Variants in ARHGAP12 observed in about 807,000 individuals in gnomAD.
ARHGAP12 encodes the protein rho GTPase-activating protein 12.
A neutral mutation model predicts 108.6 loss-of-function variants in ARHGAP12; 64 were observed. The ratio of observed to expected loss-of-function variants is 0.59; its 90% confidence interval spans 0.48 to 0.73. The LOEUF is 0.73. Ranked by LOEUF, ARHGAP12 falls within the 30% of genes least tolerant of loss-of-function variation. The probability of loss-of-function intolerance (pLI) is 0.00; values close to 1 mark genes in which losing one functional copy is unlikely to be tolerated. For missense variants in ARHGAP12, 940 were observed against 1,005.9 expected (o/e 0.93, Z 0.89); for synonymous variants, 312 against 337.2 (o/e 0.93, Z 0.82).
At chr10:31,872,116 A>G (rs988024139) in intron 3 of ARHGAP12, among the ~76,000 whole-genome samples, 1 of 152,180 alleles carries the variant, frequency 6.6e-6, no homozygotes, top group South Asian at 2.1e-4. Context: ...TCATCTTCAG[A>G]GCCTAGTATA....
intron 3 of ARHGAP12, among the ~76,000 whole-genome samples, chr10:31,890,453 T>A (rs978713746): frequency 6.6e-6 from 1 of 152,192 alleles, no homozygotes; most frequent in Admixed American, 6.5e-5. Context: ...GCAGAAATCA[T>A]AAGTACTAAA....
chr10:31,904,475 TA>T (rs1245968179), intron 3 of ARHGAP12, among the ~76,000 whole-genome samples: 3 of 152,058 alleles, frequency 2.0e-5, no homozygotes, highest in African/African-American at 7.2e-5. Context: ...GTTATGGCTG[TA>T]AAAGGGCAAC....
intron 3 of ARHGAP12, among the ~76,000 whole-genome samples, 174 bp from the exon 4 acceptor site, chr10:31,861,832 AAAAT>A (rs1175628029): frequency 6.6e-6 from 1 of 152,240 alleles, no homozygotes; most frequent in African/African-American, 2.4e-5. Context: ...GTTTCATTGA[AAAAT>A]AAATAAAAGC....
chr10:31,833,334 T>TA (rs1554776366), intron 9 of ARHGAP12, among the ~76,000 whole-genome samples: 1,525 of 137,700 alleles, frequency 0.011, 30 homozygotes, highest in African/African-American at 0.035. Flanking sequence ...GAATTTGTAT[T>TA]AAAAAAAAAA....
chr10:31,808,885 C>A, intron 18 of ARHGAP12, 109 bp downstream of exon 18: 1 of 1,377,154 alleles, frequency 7.3e-7, no homozygotes, highest in Admixed American at 2.2e-5. Flanking sequence ...TGGAGTAAAA[C>A]AATCTGTTGA....
intron 11 of ARHGAP12, among the ~76,000 whole-genome samples, chr10:31,824,507 CAG>C (rs1284912174): frequency 6.6e-6 from 1 of 152,084 alleles, no homozygotes; most frequent in Non-Finnish European, 1.5e-5. Context: ...GGCTGATAAA[CAG>C]AAATACCTCA....
At chr10:31,815,028 G>A (rs575249346) in intron 13 of ARHGAP12, among the ~76,000 whole-genome samples, 1 of 151,526 alleles carries the variant, frequency 6.6e-6, no homozygotes, top group Non-Finnish European at 1.5e-5. Context: ...GCTGAGGCAG[G>A]AGAATCGGCG....
At chr10:31,876,133 C>T (rs1476107627) in intron 3 of ARHGAP12, among the ~76,000 whole-genome samples, 1 of 152,190 alleles carries the variant, frequency 6.6e-6, no homozygotes, top group Non-Finnish European at 1.5e-5. Flanking sequence ...GAATCCCTGG[C>T]TTACAGTTCT....
At chr10:31,903,821 A>T (rs1750199063) in intron 3 of ARHGAP12, among the ~76,000 whole-genome samples, 1 of 152,248 alleles carries the variant, frequency 6.6e-6, no homozygotes. Flanking sequence ...AAACATTTCA[A>T]TGAAGAGGAT....
intron 3 of ARHGAP12, among the ~76,000 whole-genome samples, chr10:31,889,620 T>G (rs139440186): frequency 5.6e-5 from 3 of 54,012 alleles, no homozygotes; most frequent in Non-Finnish European, 8.1e-5. Flanking sequence ...ATTTTTCTCG[T>G]TTTTTTTTTT....
At chr10:31,835,783 C>T (rs560661988) in intron 9 of ARHGAP12, among the ~76,000 whole-genome samples, 1 of 152,078 alleles carries the variant, frequency 6.6e-6, no homozygotes, top group Non-Finnish European at 1.5e-5. Context: ...AATGAAACAT[C>T]CAGAATGGGT....
At position 31,852,539 on chromosome 10, in the gene ARHGAP12, C is replaced by T. The variant is rs760263342; in HGVS notation, c.1148G>A (p.Arg383Gln). 23 of 1,612,528 alleles carry T rather than the reference C, an allele frequency of 1.4e-5. No individual in the cohort carries two copies. Among genetic ancestry groups the T allele is most frequent in the South Asian group, 1.3e-4 (12 of 91,036 alleles). The part of the protein sequence containing the change: ...RQYYYSADGS[R>Q]SEWELPKYNA... ...TACCTTTGGCAATTCCCATTCTGAC[C>T]GAGATCCGTCTGCACTGTAGTAATA... The change falls in exon 6 of 20, where the codon CGG becomes CAG. Residue 383 changes from arginine to glutamine, a missense_variant. Transcript: ENST00000344936.
chr10:31,915,627 T>C (rs1458758775), intron 1 of ARHGAP12, among the ~76,000 whole-genome samples: 2 of 152,196 alleles, frequency 1.3e-5, no homozygotes, highest in Non-Finnish European at 2.9e-5. Context: ...TGTGAGGTAA[T>C]GCATTTGTAA....
At chr10:31,817,930 G>A in intron 12 of ARHGAP12, 44 bp from the exon 13 acceptor site, 1 of 1,434,836 alleles carries the variant, frequency 7.0e-7, no homozygotes. Context: ...GTCAGTTTGT[G>A]CTTTCAGCAA....
In ARHGAP12 at chr10:31,819,419, G is replaced by A. The variant is rs896860174; in HGVS notation, c.1632+968C>T. Among the ~76,000 whole-genome samples, 20 of 152,314 alleles carry A rather than the reference G, an allele frequency of 1.3e-4. No homozygotes were observed. The South Asian group carries it at 4.1e-3, about 32-fold the overall frequency. On this transcript the variant is annotated intron_variant, in intron 12 of 19. Coordinates refer to ENST00000344936, the MANE Select transcript of ARHGAP12 (RefSeq NM_018287.7). ...AAGGCTGTCCACAAAATCAGTCTTG[G>A]ATCTCTGTAACCACACCCTTCTGGA... is the stretch of plus-strand genomic sequence containing the variant.
intron 3 of ARHGAP12, among the ~76,000 whole-genome samples, chr10:31,897,201 TAACA>T (rs1838735926): frequency 6.6e-6 from 1 of 152,168 alleles, no homozygotes; most frequent in African/African-American, 2.4e-5. Context: ...TCATTCATCA[TAACA>T]AAGACTTACT....
At chr10:31,853,509 G>A (rs1243731074) in intron 5 of ARHGAP12, among the ~76,000 whole-genome samples, 1 of 152,142 alleles carries the variant, frequency 6.6e-6, no homozygotes, top group Non-Finnish European at 1.5e-5. Flanking sequence ...ATTGAGGCAG[G>A]AAAGAGGGAT....
intron 3 of ARHGAP12, among the ~76,000 whole-genome samples, chr10:31,904,753 A>C (rs910583618): frequency 9.2e-5 from 14 of 151,836 alleles, no homozygotes; most frequent in African/African-American, 3.4e-4. Flanking sequence ...CAGCCTCCCA[A>C]GTAGCTGGGA....
At chr10:31,841,559 C>T (rs903121450) in intron 7 of ARHGAP12, among the ~76,000 whole-genome samples, 8 of 152,108 alleles carry the variant, frequency 5.3e-5, no homozygotes, top group Non-Finnish European at 7.4e-5. Context: ...CAGATTACAA[C>T]GGTAAATAAT....
Sources: allele counts gnomAD v4.1 joint callset (sites outside exome capture counted in the v4.1 genomes callset), GRCh38; gene constraint gnomAD v4.1.1; transcripts MANE v1.5; gene names NCBI Gene and HGNC (gene_info 2026-07-23, HGNC 2026-07-21).